The following MAD1L1 variants were observed in gnomAD, a reference collection of about 807,000 sequenced individuals.
MAD1L1 encodes mitotic arrest deficient 1 like 1, also known as mitotic spindle assembly checkpoint protein MAD1.
In MAD1L1, 95 loss-of-function variants were observed where a neutral mutation model predicts 96.9. That is an observed-to-expected ratio of 0.98 (90% CI 0.83 to 1.16). The LOEUF is 1.16. Ranked by LOEUF, MAD1L1 falls within the 50% of genes most tolerant of loss-of-function variation. The pLI, the probability that MAD1L1 is intolerant of heterozygous loss-of-function variation, is 0.00. For missense variants in MAD1L1, 1,007 were observed against 954.4 expected, an observed-to-expected ratio of 1.06 and a Z score of -0.73; for synonymous variants, 473 against 396.6, an observed-to-expected ratio of 1.19 and a Z score of -2.29.
rs141356023 is a variant in MAD1L1 at position 2,179,699 on chromosome 7, G to A, written c.987-30461C>T. Reference sequence around the variant, plus strand: ...AAAGTCCTGTCTTAGGCCGAGCATGGTGGCTCACGCCTGTAATCCCAGCAC... The same window carrying A: ...AAAGTCCTGTCTTAGGCCGAGCATGATGGCTCACGCCTGTAATCCCAGCAC... On this transcript the variant is annotated intron_variant, in intron 10 of 18. Transcript: ENST00000265854. Among the ~76,000 whole-genome samples the A allele has an allele frequency of 3.8e-3, 579 of 152,156 alleles. 3 individuals are homozygous for A. The highest frequency in any genetic ancestry group is 0.013 in the African/African-American group (540 of 41,496).
intron 12 of MAD1L1, among the ~76,000 whole-genome samples, chr7:2,050,989 CTTCCT>C (rs1457693166): frequency 1.3e-5 from 2 of 152,252 alleles, no homozygotes; most frequent in African/African-American, 4.8e-5. Context: ...CTGCAGCTAA[CTTCCT>C]TTCCTTTCAA....
intron 18 of MAD1L1, among the ~76,000 whole-genome samples, chr7:1,875,635 C>T (rs1270431487): frequency 6.6e-6 from 1 of 152,216 alleles, no homozygotes; most frequent in East Asian, 1.9e-4. Context: ...GAGAAGACGC[C>T]ACTCCAGGAA....
At chr7:2,062,342 C>G (rs138610982) in intron 12 of MAD1L1, among the ~76,000 whole-genome samples, 1 of 150,370 alleles carries the variant, frequency 6.7e-6, no homozygotes, top group South Asian at 2.1e-4. Flanking sequence ...ATTGGGAGGC[C>G]GAAGTAGGGG....
intron 11 of MAD1L1, among the ~76,000 whole-genome samples, chr7:2,093,371 G>A: frequency 6.6e-6 from 1 of 152,038 alleles, no homozygotes; most frequent in East Asian, 1.9e-4. Context: ...TCAGTAAATA[G>A]TGCATGCAGT....
chr7:1,871,266 CTGCCACGCTGAACCCATT>C (rs1785075109), intron 18 of MAD1L1, among the ~76,000 whole-genome samples: 2 of 147,668 alleles, frequency 1.4e-5, no homozygotes, highest in Non-Finnish European at 3.0e-5. Context: ...CAACATAAGC[CTGCCACGCTGAACCCATT>C]GTAACACCTG....
intron 18 of MAD1L1, among the ~76,000 whole-genome samples, chr7:1,879,836 T>C (rs1170998136): frequency 6.6e-6 from 1 of 152,134 alleles, no homozygotes; most frequent in Non-Finnish European, 1.5e-5. Flanking sequence ...GTTCACGCCA[T>C]TCTCCTGCCT....
At chr7:2,016,402 G>A (rs1782541577) in intron 12 of MAD1L1, among the ~76,000 whole-genome samples, 1 of 152,188 alleles carries the variant, frequency 6.6e-6, no homozygotes, top group South Asian at 2.1e-4. Context: ...AGCCTGGGGA[G>A]CAAGACCCCC....
intron 18 of MAD1L1, among the ~76,000 whole-genome samples, chr7:1,862,631 G>T (rs1170541248): frequency 6.6e-6 from 1 of 152,270 alleles, no homozygotes; most frequent in Non-Finnish European, 1.5e-5. Flanking sequence ...GCCCTGGCCG[G>T]TCCAGCAAGT....
At chr7:1,913,450 C>T (rs57209201) in intron 17 of MAD1L1, among the ~76,000 whole-genome samples, 10 of 7,706 alleles carry the variant, frequency 1.3e-3, no homozygotes, top group African/African-American at 2.7e-3. Context: ...AGAAGGGAAC[C>T]GTCGGGGGAG....
intron 17 of MAD1L1, among the ~76,000 whole-genome samples, chr7:1,915,547 G>T (rs1303883229): frequency 1.3e-5 from 2 of 152,356 alleles, no homozygotes; most frequent in Non-Finnish European, 2.9e-5. Context: ...GCTGGAGGAC[G>T]CACGCTGCCT....
intron 11 of MAD1L1, 65 bp downstream of exon 11, chr7:2,149,087 C>G (rs911749876): frequency 6.9e-6 from 10 of 1,447,404 alleles, no homozygotes; most frequent in Non-Finnish European, 9.7e-6. Flanking sequence ...GGCACACACT[C>G]TCACTCACCC....
intron 11 of MAD1L1, among the ~76,000 whole-genome samples, chr7:2,089,637 C>T (rs1786105240): frequency 1.3e-5 from 2 of 151,784 alleles, no homozygotes. Context: ...CGTGTTTAAT[C>T]ACACTTCCAA....
intron 17 of MAD1L1, among the ~76,000 whole-genome samples, chr7:1,920,930 G>A (rs1274090335): frequency 6.6e-6 from 1 of 152,242 alleles, no homozygotes; most frequent in Non-Finnish European, 1.5e-5. Context: ...ACAGAAAAGG[G>A]TGCAGATTCA....
chr7:2,126,002 A>T (rs891834335), intron 11 of MAD1L1, among the ~76,000 whole-genome samples: 1 of 152,132 alleles, frequency 6.6e-6, no homozygotes, highest in East Asian at 1.9e-4. Context: ...CCTCCTGGAG[A>T]GGGGTCATCT....
chr7:2,103,356 G>A lies in MAD1L1; in HGVS notation c.1074-34018C>T, dbSNP rs1306111405. ...GTGAAGGCCTGGGCCTGCCTGCCCC[G>A]CCGCTCAGTAGACGGCACATGGGAC... On this transcript the variant is annotated intron_variant, in intron 11 of 18. Coordinates refer to ENST00000265854, the MANE Select transcript of MAD1L1 (RefSeq NM_001013836.2). The surrounding 1 kb of genome is among the most constrained non-coding windows in gnomAD (Gnocchi z 4.3). Among the ~76,000 whole-genome samples the A allele has an allele frequency of 1.3e-5, 2 of 152,180 alleles. No individual in the cohort carries two copies. The highest frequency in any genetic ancestry group is 2.1e-4 in the South Asian group (1 of 4,828).
intron 13 of MAD1L1, among the ~76,000 whole-genome samples, chr7:2,007,355 C>T (rs1320909981): frequency 6.6e-6 from 1 of 152,190 alleles, no homozygotes; most frequent in Non-Finnish European, 1.5e-5. Flanking sequence ...CGTGTTGCCA[C>T]GGTATGGCCG....
At chr7:2,019,345 T>G (rs540975584) in intron 12 of MAD1L1, among the ~76,000 whole-genome samples, 1 of 152,256 alleles carries the variant, frequency 6.6e-6, no homozygotes, top group African/African-American at 2.4e-5. Flanking sequence ...CTGGCATCCG[T>G]GGGGCCCATC....
At chr7:2,027,209 C>T (rs1783031907) in intron 12 of MAD1L1, among the ~76,000 whole-genome samples, 1 of 151,746 alleles carries the variant, frequency 6.6e-6, no homozygotes, top group Admixed American at 6.6e-5. Flanking sequence ...ATAAATCAAG[C>T]CCAAATTTAA....
intron 14 of MAD1L1, among the ~76,000 whole-genome samples, chr7:1,989,451 C>T (rs1286477744): frequency 1.3e-5 from 2 of 152,208 alleles, no homozygotes; most frequent in East Asian, 1.9e-4. Context: ...CCGGTGGGGC[C>T]GACAGGGAGA....
Sources: gnomAD v4.1 joint callset for allele counts (sites outside exome capture counted in the v4.1 genomes callset) on GRCh38, gnomAD v4.1.1 for gene constraint, Gnocchi (gnomAD v3.1) non-coding constraint, MANE v1.5 for transcripts, NCBI Gene and HGNC (gene_info 2026-07-23, HGNC 2026-07-21) for gene names.